The following COLEC12 variants were observed in gnomAD, a reference collection of about 807,000 sequenced individuals.
The protein encoded by COLEC12 is collectin-12.
In COLEC12, 33 loss-of-function variants were observed where a neutral mutation model predicts 71.1. The ratio of observed to expected loss-of-function variants is 0.46; its 90% CI spans 0.35 to 0.62. COLEC12 has a LOEUF of 0.62. Ranked by LOEUF, COLEC12 falls within the 20% of genes least tolerant of loss-of-function variation. The pLI, the probability that COLEC12 is intolerant of heterozygous loss-of-function variation, is 0.00. For synonymous variants in COLEC12, 350 were observed against 353.0 expected, an observed-to-expected ratio of 0.99 and a Z score of 0.10; for missense variants, 765 against 916.1, an observed-to-expected ratio of 0.84 and a Z score of 2.13.
intron 2 of COLEC12, among the ~76,000 whole-genome samples, chr18:394,942 A>AC (rs1915538022): frequency 2.0e-5 from 3 of 152,228 alleles, no homozygotes; most frequent in Non-Finnish European, 4.4e-5. Context: ...ACAAAACAAA[A>AC]AAAACACCTG....
chr18:451,374 G>A (rs1351685049), intron 2 of COLEC12, among the ~76,000 whole-genome samples: 1 of 152,144 alleles, frequency 6.6e-6, no homozygotes, highest in Non-Finnish European at 1.5e-5. Context: ...GGTATCTGGT[G>A]GAAGAAACTT....
chr18:429,458 T>G (rs1001155017), intron 2 of COLEC12, among the ~76,000 whole-genome samples: 2 of 152,078 alleles, frequency 1.3e-5, no homozygotes, highest in Non-Finnish European at 2.9e-5. Context: ...CTCGGCTCAT[T>G]GCAACCTCTG....
At position 357,522 on chromosome 18, in the gene COLEC12, C is replaced by G; in HGVS notation, c.59G>C (p.Gly20Ala). The G allele has an allele frequency of 2.0e-6, 3 of 1,520,812 alleles. No individual in the cohort carries two copies. Among genetic ancestry groups the G allele is most frequent in the Non-Finnish European group, 2.7e-6 (3 of 1,131,844 alleles). The allele number at this position is 1,520,812 out of a possible 1,614,324, so 94.2% of individuals were successfully genotyped here. ...EVQSFGYKRFGIQEGTQCTKC... is the reference protein window; with the variant it reads ...EVQSFGYKRFAIQEGTQCTKC... ...GGTACATTGTGTTCCTTCCTGAATA[C>G]CTGTAAGAGAAGTCAAATTTTAATA... Residue 20 changes from glycine (G) to alanine (A), a missense_variant and splice_region_variant, in exon 3 of 10, where the codon GGT (glycine) becomes GCT (alanine). By Grantham distance (60) the Gly-to-Ala change is moderately conservative (BLOSUM62 0). Coordinates refer to ENST00000400256, the MANE Select transcript of COLEC12 (RefSeq NM_130386.3).
chr18:320,369 T>C (rs972722850), intron 9 of COLEC12, among the ~76,000 whole-genome samples: 3 of 152,142 alleles, frequency 2.0e-5, no homozygotes, highest in African/African-American at 7.2e-5. Flanking sequence ...TCAATTATAA[T>C]CCCTTGTTTA....
At chr18:443,751 T>C (rs1318526480) in intron 2 of COLEC12, among the ~76,000 whole-genome samples, 1 of 152,156 alleles carries the variant, frequency 6.6e-6, no homozygotes, top group Non-Finnish European at 1.5e-5. Context: ...AAATCTCATG[T>C]TGAAATGTAG....
chr18:370,314 CA>C (rs1294308514), intron 2 of COLEC12, among the ~76,000 whole-genome samples: 1 of 152,176 alleles, frequency 6.6e-6, no homozygotes, highest in East Asian at 1.9e-4. Flanking sequence ...ATAATCACTT[CA>C]TTGTATTTCA....
chr18:360,580 T>C (rs1914723299), intron 2 of COLEC12, among the ~76,000 whole-genome samples: 1 of 152,202 alleles, frequency 6.6e-6, no homozygotes. Context: ...TCAGGAACAA[T>C]GCTTCTCAAA....
chr18:478,880 T>C (rs919870264), intron 2 of COLEC12, among the ~76,000 whole-genome samples: 1 of 131,008 alleles, frequency 7.6e-6, no homozygotes, highest in African/African-American at 3.2e-5. Flanking sequence ...CCATGTCTCC[T>C]GTGAGTCATC....
chr18:473,655 G>A (rs1239431145), intron 2 of COLEC12, among the ~76,000 whole-genome samples: 5 of 152,184 alleles, frequency 3.3e-5, no homozygotes, highest in African/African-American at 7.2e-5. Flanking sequence ...AAGCCACAGC[G>A]CCCGGCCTCA....
intron 2 of COLEC12, among the ~76,000 whole-genome samples, chr18:474,944 G>A (rs911344179): frequency 4.0e-5 from 6 of 151,732 alleles, no homozygotes; most frequent in Admixed American, 3.3e-4. Context: ...GCTCGGTGGC[G>A]GCGCCTGTAG....
chr18:347,057 G>T lies in COLEC12; in HGVS notation c.565C>A (p.Gln189Lys), dbSNP rs768302617. The T allele has an allele frequency of 5.6e-6, 9 of 1,614,152 alleles. No individual in the cohort carries two copies. Among genetic ancestry groups the T allele is most frequent in the Non-Finnish European group, 5.9e-6 (7 of 1,180,028 alleles). The change falls in exon 5 of 10, where the codon CAG becomes AAG. Residue 189 changes from glutamine (Q) to lysine (K), a missense_variant. Physicochemically the swap from Gln to Lys is moderately conservative, Grantham distance 53 (BLOSUM62 1). Transcript: ENST00000400256. ...TACATTTGGTTCTGCAGATTGCCCTGGAGCACGCTGGTATCTTGCTGCAGA... is the reference window on the plus strand; with the variant it reads ...TACATTTGGTTCTGCAGATTGCCCTTGAGCACGCTGGTATCTTGCTGCAGA... ...TNLQQDTSVL[Q>K]GNLQNQMYSH...
At chr18:326,646 G>C (rs1401688377) in intron 8 of COLEC12, among the ~76,000 whole-genome samples, 1 of 152,190 alleles carries the variant, frequency 6.6e-6, no homozygotes, top group East Asian at 1.9e-4. Context: ...ACCATGCCTG[G>C]CCTGATAGTT....
intron 1 of COLEC12, among the ~76,000 whole-genome samples, chr18:499,782 T>C (rs1399473274): frequency 6.6e-6 from 1 of 152,200 alleles, no homozygotes; most frequent in East Asian, 1.9e-4. Context: ...TAAAGTACGA[T>C]AACATCTGAC....
rs1447985444 is a variant in COLEC12 at position 327,849 on chromosome 18, G to T, written c.2063+3819C>A. Among the ~76,000 whole-genome samples the T allele has an allele frequency of 6.6e-6, 1 of 152,246 alleles. No individual in the cohort carries two copies. The highest frequency in any genetic ancestry group is 1.5e-5 in the Non-Finnish European group (1 of 68,044). ...CCATCGGCTTCTATTTTTTGGAAGA[G>T]TTTAAGAAGAACTGGTGCTAACTCT... On this transcript the variant is annotated intron_variant, in intron 8 of 9. Transcript: ENST00000400256. This position sits in a 1 kb window ranked among gnomAD's most constrained non-coding sequence, Gnocchi z 4.0.
chr18:492,460 C>T (rs1396103347), intron 1 of COLEC12, among the ~76,000 whole-genome samples: 1 of 152,180 alleles, frequency 6.6e-6, no homozygotes, highest in Non-Finnish European at 1.5e-5. Flanking sequence ...TCAGTAAGTA[C>T]GACATCCAAA....
intron 2 of COLEC12, among the ~76,000 whole-genome samples, chr18:374,176 C>T (rs984654164): frequency 6.6e-6 from 1 of 152,164 alleles, no homozygotes; most frequent in Non-Finnish European, 1.5e-5. Flanking sequence ...AAGCGGCAAA[C>T]AGAGCTTGGG....
At chr18:437,550 G>A (rs1272168224) in intron 2 of COLEC12, among the ~76,000 whole-genome samples, 3 of 152,126 alleles carry the variant, frequency 2.0e-5, no homozygotes, top group African/African-American at 7.2e-5. Flanking sequence ...CGAACTTGCA[G>A]TCATCTGCTC....
Position 319,971 on chromosome 18 carries a change from G to A in COLEC12, c.*74C>T. ...TTTTTTTTTTCAATCTGATGAGAAG[G>A]TGATGCAATTAGAAAGGAGTGTCCT... On this transcript the variant is annotated 3_prime_UTR_variant, in exon 10 of 10. Transcript: ENST00000400256. 2 of 838,338 alleles carry A rather than the reference G, an allele frequency of 2.4e-6. No homozygotes were observed. Among genetic ancestry groups the A allele is most frequent in the Non-Finnish European group, 3.9e-6 (2 of 512,326 alleles). 51.9% of individuals were successfully genotyped at this position (838,338 alleles called of 1,614,324 possible).
In COLEC12 at chr18:319,331, A is replaced by ATAT. The variant is rs1431727726; in HGVS notation, c.*713_*714insATA. Reference sequence around the variant, plus strand: ...GAGGAAATGAAACATTAAAAAAAAAAAAAAAAAAAAATATATATATATATA... The same window carrying ATAT: ...GAGGAAATGAAACATTAAAAAAAAAATATAAAAAAAAAAATATATATATATATA... On this transcript the variant is annotated 3_prime_UTR_variant, in exon 10 of 10. Transcript: ENST00000400256. The ATAT allele has an allele frequency of 4.4e-4, 24 of 54,654 alleles. No individual in the cohort carries two copies. The highest frequency in any genetic ancestry group is 1.1e-3 in the African/African-American group (20 of 17,778). 3.4% of individuals were successfully genotyped at this position (54,654 alleles called of 1,614,324 possible).
Sources: gnomAD v4.1 joint callset for allele counts (sites outside exome capture counted in the v4.1 genomes callset) on GRCh38, gnomAD v4.1.1 for gene constraint, Gnocchi (gnomAD v3.1) non-coding constraint, MANE v1.5 for transcripts, NCBI Gene and HGNC (gene_info 2026-07-23, HGNC 2026-07-21) for gene names.